The following SPATA7 variants were observed in gnomAD, a reference collection of about 807,000 sequenced individuals.
The protein encoded by SPATA7 is spermatogenesis-associated protein 7.
Under a neutral mutation model 51.8 loss-of-function variants are expected in SPATA7, and 43 were observed. The observed-to-expected ratio is 0.83, with a 90% CI of 0.65 to 1.07. The LOEUF is 1.07. Ranked by LOEUF, SPATA7 falls within the 50% of genes least tolerant of loss-of-function variation. SPATA7 has a pLI of 0.00. For missense variants in SPATA7, 683 were observed against 701.3 expected (o/e 0.97, Z 0.30); for synonymous variants, 230 against 252.8 (o/e 0.91, Z 0.86).
intron 4 of SPATA7, chr14:88,467,981 T>C (rs1313055938): frequency 8.2e-6 from 8 of 974,632 alleles, no homozygotes; most frequent in Non-Finnish European, 1.3e-5. Context: ...GCTTCGCACG[T>C]TTCCTTCAGC....
chr14:88,422,558 CTT>C (rs1203501449), intron 5 of SPATA7, among the ~76,000 whole-genome samples: 2 of 147,646 alleles, frequency 1.4e-5, no homozygotes, highest in Non-Finnish European at 3.0e-5. Flanking sequence ...TTTAATATAT[CTT>C]TTTAATGTAT....
In SPATA7 at chr14:88,446,462, G is replaced by GT. The variant is rs1465615196; in HGVS notation, c.177+8565dup. Reference sequence around the variant, plus strand: ...CCTGGATTAATTAATTTTTTGAAGGGTTTTTTGTGTCTCTATTTCCTTCAG... The same window carrying GT: ...CCTGGATTAATTAATTTTTTGAAGGGTTTTTTTGTGTCTCTATTTCCTTCAG... On this transcript the variant is annotated intron_variant, in intron 3 of 3. Transcript: ENST00000554802. Among the ~76,000 whole-genome samples the GT allele has an allele frequency of 3.3e-5, 5 of 151,924 alleles. No individual in the cohort carries two copies. The East Asian group carries it at 7.7e-4, about 24-fold the overall frequency.
intron 4 of SPATA7, among the ~76,000 whole-genome samples, chr14:88,400,313 A>G (rs1328027070): frequency 6.6e-6 from 1 of 152,168 alleles, no homozygotes; most frequent in Non-Finnish European, 1.5e-5. Context: ...AACTTACAGA[A>G]TGCAGCAAAA....
intron 8 of SPATA7, 28 bp downstream of exon 8, chr14:88,429,491 C>A: frequency 2.1e-6 from 3 of 1,445,170 alleles, no homozygotes; most frequent in South Asian, 2.3e-5. Context: ...GAAATAATTT[C>A]AACTGTCTTT....
rs2076803175 is a variant in SPATA7 at position 88,426,653 on chromosome 14, A to G, written c.794A>G (p.Lys265Arg). 1 of 1,613,998 alleles carries G rather than the reference A, an allele frequency of 6.2e-7. No homozygotes were observed. Among genetic ancestry groups the G allele is most frequent in the Non-Finnish European group, 8.5e-7 (1 of 1,180,034 alleles). ...QYRYYTPAKR[K>R]KDFTDQRIEA... Reference sequence around the variant, plus strand: ...CGCTATTATACACCTGCCAAAAGAAAAAAGGATTTTACAGATCAACGGATA... The same window carrying G: ...CGCTATTATACACCTGCCAAAAGAAGAAAGGATTTTACAGATCAACGGATA... Residue 265 changes from lysine (K) to arginine (R), a missense_variant, in exon 6 of 12, where the codon AAA becomes AGA. By Grantham distance (26) the Lys-to-Arg change is conservative. Transcript: ENST00000393545.
Position 88,462,515 on chromosome 14 carries a change from C to T in SPATA7, c.255-7332C>T, listed in dbSNP as rs113874533. On this transcript the variant is annotated intron_variant, in intron 4 of 4. Coordinates refer to the SPATA7 transcript ENST00000556406. ...TTAGAGTGTGAATTTAAGTTACACA[C>T]GCACACTTAAATGTCAGTGGTTTCA... Among the ~76,000 whole-genome samples the T allele has an allele frequency of 4.6e-3, 699 of 152,284 alleles. 8 individuals are homozygous for T. The highest frequency in any genetic ancestry group is 0.013 in the African/African-American group (556 of 41,560).
chr14:88,391,919 C>T (rs1167520561), intron 2 of SPATA7, among the ~76,000 whole-genome samples: 2 of 152,174 alleles, frequency 1.3e-5, no homozygotes, highest in African/African-American at 4.8e-5. Context: ...TTAAAGCTTT[C>T]AAGGTACATT....
At chr14:88,458,913 T>G (rs1455042250), downstream of SPATA7, among the ~76,000 whole-genome samples, 2 of 152,228 alleles carry the variant, frequency 1.3e-5, no homozygotes, top group African/African-American at 4.8e-5. Flanking sequence ...GAGATTCTGG[T>G]ATGTTGTGTC....
Position 88,427,751 on chromosome 14 carries a change from A to T in SPATA7, c.912+55A>T, listed in dbSNP as rs17124673. 9,540 of 1,252,770 alleles carry T rather than the reference A, an allele frequency of 7.6e-3. 529 individuals carry two copies. The African/African-American group carries it at 0.12, about 16-fold the overall frequency. 77.6% of individuals were successfully genotyped at this position (1,252,770 alleles called of 1,614,324 possible). ...TACATTTGAATTACAGATGTTTTTC[A>T]GTAAATAGAATATGTACAGCTATTT... On this transcript the variant is annotated intron_variant, in intron 7 of 11. Transcript: ENST00000393545.
At chr14:88,419,359 G>T (rs1439899652) in intron 5 of SPATA7, among the ~76,000 whole-genome samples, 4 of 149,980 alleles carry the variant, frequency 2.7e-5, no homozygotes, top group Non-Finnish European at 4.4e-5. Flanking sequence ...AATATTTTCT[G>T]ATAGTGATAT....
chr14:88,442,846 T>C (rs971888829), downstream of SPATA7, among the ~76,000 whole-genome samples: 1 of 152,130 alleles, frequency 6.6e-6, no homozygotes, highest in Non-Finnish European at 1.5e-5. Context: ...TTTGGAATAG[T>C]GTCCATAGGA....
At chr14:88,463,952 A>G (rs761828240) in intron 4 of SPATA7, among the ~76,000 whole-genome samples, 1 of 151,818 alleles carries the variant, frequency 6.6e-6, no homozygotes, top group Admixed American at 6.6e-5. Context: ...GGTTCAAGCA[A>G]TTCTCCTGCC....
chr14:88,461,505 A>G (rs1378440242), intron 4 of SPATA7, among the ~76,000 whole-genome samples: 9 of 152,100 alleles, frequency 5.9e-5, no homozygotes, highest in African/African-American at 1.7e-4. Context: ...GGACCCTCCG[A>G]GCCAGGTGTG....
At chr14:88,432,767 C>T in intron 9 of SPATA7, 1 of 181,860 alleles carries the variant, frequency 5.5e-6, no homozygotes, top group Non-Finnish European at 1.1e-5. Context: ...TGGACCTGGT[C>T]AGGAGCAAGA....
downstream of SPATA7, among the ~76,000 whole-genome samples, chr14:88,440,941 A>G (rs2077174063): frequency 2.6e-5 from 4 of 152,002 alleles, no homozygotes; most frequent in African/African-American, 9.7e-5. Flanking sequence ...AGCAGTGTAC[A>G]TTGTACCCAA....
intron 5 of SPATA7, among the ~76,000 whole-genome samples, chr14:88,418,633 C>T (rs1349763740): frequency 1.3e-5 from 2 of 152,066 alleles, no homozygotes; most frequent in African/African-American, 4.8e-5. Context: ...TGCCACCATG[C>T]CCAGCTAATT....
chr14:88,448,255 C>G (rs1005712900), intron 3 of SPATA7, among the ~76,000 whole-genome samples: 6 of 152,106 alleles, frequency 3.9e-5, no homozygotes, highest in Admixed American at 1.3e-4. Context: ...TCGCTGATAC[C>G]CTTTCTTCCA....
chr14:88,428,618 A>G (rs1401566334), intron 7 of SPATA7: 2 of 152,204 alleles, frequency 1.3e-5, no homozygotes, highest in African/African-American at 2.4e-5. Flanking sequence ...AATGATAGCT[A>G]TTACTAGCTT....
Position 88,391,430 on chromosome 14 carries a change from A to G in SPATA7, c.69A>G (p.Lys23=), listed in dbSNP as rs1442951709. 1 of 1,613,720 alleles carries G rather than the reference A, an allele frequency of 6.2e-7. No individual in the cohort carries two copies. The highest frequency in any genetic ancestry group is 8.5e-7 in the Non-Finnish European group (1 of 1,179,838). The change falls in exon 2 of 12, where the codon AAA becomes AAG. Residue 23 remains lysine (K), a synonymous_variant. Coordinates refer to ENST00000393545, the MANE Select transcript of SPATA7 (RefSeq NM_018418.5). ...GATATGGTCCACCGTGCCTATTTAA[A>G]GGACACTTGAGCACCAAAAGTAATG... is the stretch of plus-strand genomic sequence containing the variant. ...LPRYGPPCLF[K]GHLSTKSNAF... is the part of the protein sequence containing the mutation.
Sources: allele counts gnomAD v4.1 joint callset (sites outside exome capture counted in the v4.1 genomes callset), GRCh38; gene constraint gnomAD v4.1.1; transcripts MANE v1.5; gene names NCBI Gene and HGNC (gene_info 2026-07-23, HGNC 2026-07-21).